The following CASK variants were observed in gnomAD, a reference collection of about 807,000 sequenced individuals.
CASK encodes the protein calcium/calmodulin dependent serine protein kinase.
CASK carries 4 observed loss-of-function variants against 82.9 expected under a neutral mutation model. The ratio of observed to expected loss-of-function variants is 0.05; its 90% CI spans 0.02 to 0.11. The LOEUF is 0.11. CASK is among the 10% of genes least tolerant of loss of function. The pLI is 1.00. For synonymous variants in CASK, 259 were observed against 253.5 expected (o/e 1.02, Z -0.20); for missense variants, 358 against 720.9 (o/e 0.50, Z 5.76).
intron 1 of CASK, among the ~76,000 whole-genome samples, chrX:41,875,638 T>G (rs2071799702): frequency 9.1e-6 from 1 of 110,329 alleles, no homozygotes; most frequent in Non-Finnish European, 1.9e-5. Context: ...ATCAGGGAGG[T>G]GTAACAATGC....
chrX:41,710,271 T>C (rs1178234415), intron 5 of CASK, among the ~76,000 whole-genome samples: 25 of 111,419 alleles, frequency 2.2e-4, no homozygotes. Context: ...AAGCATAATA[T>C]GAACCAAGTT....
chrX:41,849,996 T>C (rs1206331172), intron 2 of CASK, among the ~76,000 whole-genome samples: 1 of 111,335 alleles, frequency 9.0e-6, no homozygotes, highest in Non-Finnish European at 1.9e-5. Context: ...CTGAACAATA[T>C]GGCAAAACCT....
intron 1 of CASK, among the ~76,000 whole-genome samples, chrX:41,920,252 A>G (rs2072760822): frequency 8.9e-6 from 1 of 112,552 alleles, no homozygotes; most frequent in Non-Finnish European, 1.9e-5. Context: ...AAAGGTTTTC[A>G]GTACATGTGA....
rs1469836239 is a variant in CASK at position 41,515,745 on chromosome X, G to A, written c.*4675C>T. The A allele has an allele frequency of 2.7e-5, 3 of 112,054 alleles. No homozygotes were observed. In the Admixed American group the frequency reaches 2.8e-4, roughly 11 times the overall value. The allele number at this position is 112,054 out of a possible 1,213,427, so 9.2% of individuals were successfully genotyped here. A position where few individuals can be genotyped will look rare whatever the true frequency, so the allele number is the denominator to read the frequency against. On this transcript the variant is annotated 3_prime_UTR_variant, in exon 27 of 27. Coordinates refer to ENST00000378163, the MANE Select transcript of CASK (RefSeq NM_001367721.1). ...GAGGAATGCCTGTTTCTGTTCCCAA[G>A]GACAATTCTCGCTACAGAGGTTGTA...
At chrX:41,906,877 A>G (rs2072479231) in intron 1 of CASK, among the ~76,000 whole-genome samples, 1 of 112,809 alleles carries the variant, frequency 8.9e-6, no homozygotes, top group Non-Finnish European at 1.9e-5. Flanking sequence ...TTAGTTTTTA[A>G]AATACTGCAT....
intron 3 of CASK, 138 bp downstream of exon 3, chrX:41,787,040 C>CT (rs1346498408): frequency 2.0e-6 from 1 of 499,021 alleles, no homozygotes; most frequent in Non-Finnish European, 3.6e-6. Flanking sequence ...TGACATAATC[C>CT]TTTTTTCTTG....
intron 12 of CASK, among the ~76,000 whole-genome samples, chrX:41,598,138 C>A (rs750146981): frequency 1.8e-5 from 2 of 108,737 alleles, no homozygotes; most frequent in African/African-American, 6.7e-5. Context: ...GGCCCTGACA[C>A]ACACACACAC....
At chrX:41,741,276 T>C (rs1213080303) in intron 4 of CASK, among the ~76,000 whole-genome samples, 1 of 111,994 alleles carries the variant, frequency 8.9e-6, no homozygotes, top group Non-Finnish European at 1.9e-5. Context: ...TTGAAATGGC[T>C]AAGAGACTAC....
At position 41,574,196 on chromosome X, in the gene CASK, T is replaced by A. The variant is rs186611550; in HGVS notation, c.1503+4144A>T. Among the ~76,000 whole-genome samples, 189 of 110,947 alleles carry A rather than the reference T, an allele frequency of 1.7e-3. 1 individual carries two copies. Among genetic ancestry groups the A allele is most frequent in the African/African-American group, 6.0e-3 (182 of 30,537 alleles). ...CTCTTCAGTACTCTGTCCTATGAAC[T>A]CTAGTTGCTTTGGTCACCCCAGACT... On this transcript the variant is annotated intron_variant, in intron 15 of 26. Coordinates refer to ENST00000378163, the MANE Select transcript of CASK (RefSeq NM_001367721.1).
intron 5 of CASK, among the ~76,000 whole-genome samples, chrX:41,709,666 A>AAT (rs1026565965): frequency 9.0e-5 from 10 of 111,360 alleles, no homozygotes; most frequent in African/African-American, 1.6e-4. Flanking sequence ...AAATTATATG[A>AAT]ATATATATAT....
At position 41,519,129 on chromosome X, in the gene CASK, C is replaced by CA. The variant is rs1316354908; in HGVS notation, c.*1290dup. ...CTTCAAAGGTTCAATGAGCATCTAA[C>CA]AAATTATACAATTGTAAAGATTATC... On this transcript the variant is annotated 3_prime_UTR_variant, in exon 27 of 27. Coordinates refer to ENST00000378163, the MANE Select transcript of CASK (RefSeq NM_001367721.1). The CA allele has an allele frequency of 2.7e-5, 3 of 111,505 alleles. No homozygotes were observed. Among genetic ancestry groups the CA allele is most frequent in the African/African-American group, 9.8e-5 (3 of 30,654 alleles). The allele number at this position is 111,505 out of a possible 1,213,427, so 9.2% of individuals were successfully genotyped here. A position where few individuals can be genotyped will look rare whatever the true frequency, so the allele number is the denominator to read the frequency against.
chrX:41,535,048 G>A, intron 22 of CASK, 75 bp from the exon 23 acceptor site: 1 of 626,461 alleles, frequency 1.6e-6, no homozygotes, highest in Non-Finnish European at 2.6e-6. Flanking sequence ...TAATTTTACT[G>A]GCAAAACTAC....
intron 11 of CASK, among the ~76,000 whole-genome samples, chrX:41,614,137 C>A (rs896431704): frequency 4.5e-5 from 5 of 111,742 alleles, no homozygotes; most frequent in Non-Finnish European, 9.4e-5. Context: ...TTGATACAGT[C>A]GAGCTATAAA....
In CASK at chrX:41,639,436, G is replaced by GA. The variant is rs1401432491; in HGVS notation, c.832-2776_832-2775insT. On this transcript the variant is annotated intron_variant, in intron 8 of 26. Coordinates refer to ENST00000378163, the MANE Select transcript of CASK (RefSeq NM_001367721.1). ...GAGAATAGATTGGAAGGAGATGAGG[G>GA]TTTAAAAAAAAAAAAAAAGCGGGAA... is the stretch of plus-strand genomic sequence containing the variant. 5.5e-4 allele frequency among the ~76,000 whole-genome samples: 18 copies of GA among 32,915 alleles called. No homozygotes were observed. The Admixed American group carries it at 8.2e-3, about 15-fold the overall frequency. 28.6% of individuals were successfully genotyped at this position (32,915 alleles called of 115,157 possible).
chrX:41,636,608 C>T lies in CASK; in HGVS notation c.885G>A (p.Leu295=). ...KIHLPETVEQ[L]RKFNARRKLK... is the part of the protein sequence containing the mutation. The stretch of plus-strand genomic sequence containing the variant: ...GTTTCCTCCTTGCATTGAATTTCCT[C>T]AGCTGCTCTACTGTTTCTGGAAGAT... The change falls in exon 9 of 27, where the codon CTG becomes CTA. Residue 295 remains leucine, a synonymous_variant. Coordinates refer to ENST00000378163, the MANE Select transcript of CASK (RefSeq NM_001367721.1). 2 of 1,198,072 alleles carry T rather than the reference C, an allele frequency of 1.7e-6. No individual in the cohort carries two copies. Among genetic ancestry groups the T allele is most frequent in the Non-Finnish European group, 2.3e-6 (2 of 882,985 alleles).
chrX:41,547,856 C>T (rs2065045259), intron 21 of CASK, among the ~76,000 whole-genome samples: 1 of 111,738 alleles, frequency 8.9e-6, no homozygotes, highest in African/African-American at 3.2e-5. Context: ...ATCTCCTGAC[C>T]TCATGATCCG....
At chrX:41,759,946 T>G (rs540970213) in intron 3 of CASK, among the ~76,000 whole-genome samples, 1 of 111,531 alleles carries the variant, frequency 9.0e-6, no homozygotes, top group South Asian at 3.8e-4. Flanking sequence ...TCTAGACATT[T>G]TTCCTCTCCA....
At chrX:41,656,659 A>C (rs910527529) in intron 8 of CASK, among the ~76,000 whole-genome samples, 1 of 110,832 alleles carries the variant, frequency 9.0e-6, no homozygotes, top group East Asian at 2.8e-4. Flanking sequence ...GTGTACTCAC[A>C]CTCAACATGA....
chrX:41,622,341 G>A (rs1016343753), intron 11 of CASK, among the ~76,000 whole-genome samples: 5 of 112,496 alleles, frequency 4.4e-5, no homozygotes, highest in African/African-American at 1.6e-4. Flanking sequence ...GTATTCGTAT[G>A]TGAAATTCAG....
Sources: allele counts gnomAD v4.1 joint callset (sites outside exome capture counted in the v4.1 genomes callset), GRCh38; gene constraint gnomAD v4.1.1; transcripts MANE v1.5; gene names NCBI Gene and HGNC (gene_info 2026-07-23, HGNC 2026-07-21).